The following ADARB2 variants were observed in gnomAD, a reference collection of about 807,000 sequenced individuals.
ADARB2 encodes the protein inactive double-stranded RNA-specific editase B2.
Under a neutral mutation model 62.2 loss-of-function variants are expected in ADARB2, and 25 were observed. That is an observed-to-expected ratio of 0.40 (90% CI 0.29 to 0.56). ADARB2 has a LOEUF of 0.56. Among genes scored for constraint, ADARB2 ranks in the 20% least tolerant of loss-of-function variants. ADARB2 has a pLI of 0.43. For missense variants in ADARB2, 1,071 were observed against 1,077.4 expected (o/e 0.99, Z 0.08); for synonymous variants, 572 against 500.8 (o/e 1.14, Z -1.90).
At chr10:1,203,793 T>C (rs1048490750) in intron 7 of ADARB2, among the ~76,000 whole-genome samples, 2 of 152,158 alleles carry the variant, frequency 1.3e-5, no homozygotes, top group Non-Finnish European at 2.9e-5. Flanking sequence ...GACCGTTCTC[T>C]TGCTGCTCTG....
At chr10:1,546,895 G>A (rs1341137725) in intron 1 of ADARB2, among the ~76,000 whole-genome samples, 2 of 152,258 alleles carry the variant, frequency 1.3e-5, no homozygotes, top group African/African-American at 2.4e-5. Flanking sequence ...GGGCTGGCTG[G>A]AGGCAGGGCT....
chr10:1,418,449 G>T (rs1324310359), intron 1 of ADARB2, among the ~76,000 whole-genome samples: 1 of 152,176 alleles, frequency 6.6e-6, no homozygotes, highest in African/African-American at 2.4e-5. Context: ...TGTGGGTTCT[G>T]GCTAGAGGCA....
intron 2 of ADARB2, among the ~76,000 whole-genome samples, chr10:1,369,171 G>A (rs1832342815): frequency 6.6e-6 from 1 of 152,140 alleles, no homozygotes; most frequent in Admixed American, 6.5e-5. Context: ...CCAGGAAATT[G>A]GTCTCATTTT....
chr10:1,225,340 A>G (rs1411188502), intron 6 of ADARB2, among the ~76,000 whole-genome samples: 1 of 152,152 alleles, frequency 6.6e-6, no homozygotes, highest in Non-Finnish European at 1.5e-5. Flanking sequence ...AATACAGCAC[A>G]CTGATGGGTC....
intron 1 of ADARB2, among the ~76,000 whole-genome samples, chr10:1,527,802 A>G (rs1832168358): frequency 6.6e-6 from 1 of 152,212 alleles, no homozygotes; most frequent in African/African-American, 2.4e-5. Context: ...GGGTGTTGGC[A>G]AGAACATCAG....
intron 1 of ADARB2, among the ~76,000 whole-genome samples, chr10:1,647,861 T>A (rs1476484750): frequency 6.6e-6 from 1 of 152,022 alleles, no homozygotes; most frequent in African/African-American, 2.4e-5. Flanking sequence ...TATGTGTATG[T>A]GTGTGTATGT....
chr10:1,437,108 T>C (rs1830842094), intron 1 of ADARB2, among the ~76,000 whole-genome samples: 1 of 152,122 alleles, frequency 6.6e-6, no homozygotes, highest in South Asian at 2.1e-4. Context: ...AGTTCTTTTG[T>C]AAAAAAATGT....
chr10:1,272,806 G>A (rs1231383602), intron 3 of ADARB2, among the ~76,000 whole-genome samples: 1 of 152,204 alleles, frequency 6.6e-6, no homozygotes, highest in Non-Finnish European at 1.5e-5. Flanking sequence ...GTGTCCTGGG[G>A]CTGCTGGAAA....
intron 1 of ADARB2, among the ~76,000 whole-genome samples, chr10:1,691,019 T>C (rs138065241): frequency 5.8e-4 from 89 of 152,210 alleles, no homozygotes; most frequent in Non-Finnish European, 1.1e-3. Flanking sequence ...CCTCTGCTAT[T>C]ATGGGCTGAA....
chr10:1,295,364 C>T (rs1831513981), intron 3 of ADARB2, among the ~76,000 whole-genome samples: 1 of 152,166 alleles, frequency 6.6e-6, no homozygotes, highest in African/African-American at 2.4e-5. Context: ...CAGGTATTTA[C>T]ATCCCAGGCA....
At chr10:1,651,184 G>A (rs575745318) in intron 1 of ADARB2, among the ~76,000 whole-genome samples, 7 of 152,340 alleles carry the variant, frequency 4.6e-5, no homozygotes, top group Admixed American at 2.0e-4. Context: ...TCGCCACAGC[G>A]TCCTCCAGAT....
At chr10:1,355,486 G>T (rs1424116029) in intron 3 of ADARB2, among the ~76,000 whole-genome samples, 1 of 152,224 alleles carries the variant, frequency 6.6e-6, no homozygotes, top group African/African-American at 2.4e-5. Flanking sequence ...GAGCGTTACT[G>T]TGCATGTAAA....
intron 1 of ADARB2, among the ~76,000 whole-genome samples, chr10:1,442,749 A>C (rs1830921271): frequency 6.6e-6 from 1 of 152,236 alleles, no homozygotes; most frequent in South Asian, 2.1e-4. Flanking sequence ...AGTTCAGTTT[A>C]ACACTTTGCC....
intron 1 of ADARB2, among the ~76,000 whole-genome samples, chr10:1,709,142 C>G (rs1588361343): frequency 6.6e-6 from 1 of 152,158 alleles, no homozygotes; most frequent in African/African-American, 2.4e-5. Context: ...CTATGGAAGT[C>G]GCTAAGTGGA....
chr10:1,512,399 A>G (rs1831948255), intron 1 of ADARB2, among the ~76,000 whole-genome samples: 1 of 152,170 alleles, frequency 6.6e-6, no homozygotes, highest in Non-Finnish European at 1.5e-5. Flanking sequence ...TACACTGGAT[A>G]CCAATACATC....
intron 3 of ADARB2, among the ~76,000 whole-genome samples, chr10:1,323,622 G>A (rs1455317621): frequency 3.3e-5 from 5 of 152,082 alleles, no homozygotes; most frequent in African/African-American, 9.7e-5. Flanking sequence ...GTGGATGGAC[G>A]GATGCATGGG....
intron 4 of ADARB2, among the ~76,000 whole-genome samples, chr10:1,260,181 C>T (rs1475946854): frequency 6.6e-6 from 1 of 152,030 alleles, no homozygotes; most frequent in Non-Finnish European, 1.5e-5. Context: ...TATGACAAAC[C>T]CACAGCCAAT....
intron 3 of ADARB2, among the ~76,000 whole-genome samples, chr10:1,285,298 C>T (rs929085452): frequency 4.6e-5 from 7 of 151,976 alleles, no homozygotes; most frequent in South Asian, 2.1e-4. Context: ...TGGGGAAACG[C>T]GCCCTCCTGT....
intron 3 of ADARB2, among the ~76,000 whole-genome samples, chr10:1,314,443 T>TTCCTCCTCCTCC (rs147004052): frequency 9.5e-4 from 143 of 150,704 alleles, no homozygotes; most frequent in Admixed American, 1.6e-3. Flanking sequence ...CAGCCAGTCC[T>TTCCTCCTCCTCC]TCCTCCTCCT....
Sources: gnomAD v4.1 joint callset for allele counts (sites outside exome capture counted in the v4.1 genomes callset) on GRCh38, gnomAD v4.1.1 for gene constraint, MANE v1.5 for transcripts, NCBI Gene and HGNC (gene_info 2026-07-23, HGNC 2026-07-21) for gene names.